DSCAM: variants seen among roughly 807,000 people sequenced by gnomAD.
DSCAM encodes DS cell adhesion molecule, also known as cell adhesion molecule DSCAM.
A neutral mutation model predicts 217.7 loss-of-function variants in DSCAM; 47 were observed. The ratio of observed to expected loss-of-function variants is 0.22; its 90% CI spans 0.17 to 0.28. DSCAM has a LOEUF of 0.28. Ranked by LOEUF, DSCAM falls within the 10% of genes least tolerant of loss-of-function variation. DSCAM has a pLI of 1.00. For synonymous variants in DSCAM, 1,056 were observed against 1,015.3 expected (o/e 1.04, Z -0.76); for missense variants, 2,080 against 2,618.3 (o/e 0.79, Z 4.49).
intron 3 of DSCAM, among the ~76,000 whole-genome samples, chr21:40,456,100 AAAAG>A (rs1223688047): frequency 3.3e-5 from 5 of 151,910 alleles, no homozygotes; most frequent in African/African-American, 1.2e-4. Flanking sequence ...ATAATAAAAG[AAAAG>A]AAAAAGAAAA....
At chr21:40,161,189 C>A (rs548973808) in intron 16 of DSCAM, among the ~76,000 whole-genome samples, 1 of 152,170 alleles carries the variant, frequency 6.6e-6, no homozygotes, top group East Asian at 1.9e-4. Context: ...TTTGTGCATG[C>A]AGGCTGGCAG....
chr21:40,680,257 T>C (rs2090385177), intron 3 of DSCAM, among the ~76,000 whole-genome samples: 1 of 152,202 alleles, frequency 6.6e-6, no homozygotes, highest in African/African-American at 2.4e-5. Context: ...CTCCACACTA[T>C]CTACAGGCTC....
At chr21:40,060,647 C>T (rs960381382) in intron 28 of DSCAM, among the ~76,000 whole-genome samples, 1 of 152,194 alleles carries the variant, frequency 6.6e-6, no homozygotes, top group Non-Finnish European at 1.5e-5. Flanking sequence ...CCTCCAGGCA[C>T]CATTATCACC....
intron 1 of DSCAM, among the ~76,000 whole-genome samples, chr21:40,843,620 G>A (rs776792556): frequency 6.6e-5 from 10 of 152,096 alleles, no homozygotes; most frequent in Non-Finnish European, 1.5e-4. Flanking sequence ...GTGTGGGTGA[G>A]TGTCTGCACA....
intron 3 of DSCAM, among the ~76,000 whole-genome samples, chr21:40,658,368 A>G (rs188128686): frequency 1.3e-5 from 2 of 152,320 alleles, no homozygotes; most frequent in Admixed American, 6.5e-5. Context: ...CCTCTGGACA[A>G]ATGTGCCTCT....
intron 4 of DSCAM, among the ~76,000 whole-genome samples, chr21:40,358,271 G>T (rs1402470794): frequency 6.6e-6 from 1 of 152,102 alleles, no homozygotes; most frequent in African/African-American, 2.4e-5. Flanking sequence ...TAATTCTAAT[G>T]ACATTTTTAA....
At chr21:40,466,153 T>C (rs1290347780) in intron 3 of DSCAM, among the ~76,000 whole-genome samples, 1 of 152,206 alleles carries the variant, frequency 6.6e-6, no homozygotes, top group Non-Finnish European at 1.5e-5. Context: ...ACTAAGGAGT[T>C]GCTGGAGATC....
chr21:40,830,856 T>C (rs1354360502), intron 1 of DSCAM, among the ~76,000 whole-genome samples: 1 of 152,196 alleles, frequency 6.6e-6, no homozygotes, highest in East Asian at 1.9e-4. Context: ...AGTATTACCA[T>C]AGTATGAAAT....
chr21:40,613,368 A>G (rs1007206727), intron 3 of DSCAM, among the ~76,000 whole-genome samples: 2 of 152,274 alleles, frequency 1.3e-5, no homozygotes, highest in African/African-American at 4.8e-5. Flanking sequence ...TGGAAAATAC[A>G]TATGGAATGC....
chr21:40,525,635 G>A (rs78524805), intron 3 of DSCAM, among the ~76,000 whole-genome samples: 180 of 152,304 alleles, frequency 1.2e-3, no homozygotes, highest in Non-Finnish European at 2.2e-3. Flanking sequence ...TCTGTGCAAG[G>A]AGGAAATAGC....
chr21:40,846,714 C>G lies in DSCAM; in HGVS notation c.-53G>C, dbSNP rs1430649046. The stretch of plus-strand genomic sequence containing the variant: ...AGCGACGCGCCGGCCTCGCCCCCCG[C>G]GCTCCGCCCGGCCCGGCTCCGCTCG... On this transcript the variant is annotated 5_prime_UTR_variant, in exon 1 of 33. Coordinates refer to ENST00000400454, the MANE Select transcript of DSCAM (RefSeq NM_001389.5). The G allele has an allele frequency of 2.1e-6, 2 of 944,942 alleles. No homozygotes were observed. The highest frequency in any genetic ancestry group is 3.6e-5 in the African/African-American group (2 of 56,136). The allele number at this position is 944,942 out of a possible 1,614,324, so 58.5% of individuals were successfully genotyped here.
At chr21:40,039,016 G>T (rs1476933366) in intron 32 of DSCAM, among the ~76,000 whole-genome samples, 2 of 123,108 alleles carry the variant, frequency 1.6e-5, no homozygotes, top group African/African-American at 3.0e-5. Flanking sequence ...GGGGACTGTA[G>T]TGGGGTGGGG....
chr21:40,237,294 C>T (rs999307625), intron 11 of DSCAM, among the ~76,000 whole-genome samples: 2 of 152,056 alleles, frequency 1.3e-5, no homozygotes, highest in Non-Finnish European at 2.9e-5. Flanking sequence ...ATATACATGC[C>T]ATGGTGGTTT....
intron 1 of DSCAM, among the ~76,000 whole-genome samples, chr21:40,724,168 C>A (rs1053886099): frequency 6.6e-5 from 10 of 152,184 alleles, no homozygotes; most frequent in African/African-American, 2.4e-4. Context: ...TGGTTTACTA[C>A]GTTCCGGCAT....
intron 3 of DSCAM, among the ~76,000 whole-genome samples, chr21:40,487,116 C>A (rs963744076): frequency 1.3e-5 from 2 of 152,016 alleles, no homozygotes; most frequent in South Asian, 4.2e-4. Flanking sequence ...AGGTTTGATC[C>A]TTTAAATTTA....
intron 14 of DSCAM, among the ~76,000 whole-genome samples, chr21:40,180,602 A>C (rs1205588181): frequency 1.3e-5 from 2 of 152,040 alleles, no homozygotes; most frequent in African/African-American, 4.8e-5. Context: ...AGAGATGTTT[A>C]GGAGGATGAG....
At chr21:40,149,524 C>A (rs2090398914) in intron 16 of DSCAM, among the ~76,000 whole-genome samples, 1 of 149,124 alleles carries the variant, frequency 6.7e-6, no homozygotes, top group African/African-American at 2.5e-5. Flanking sequence ...CCATCACTAT[C>A]CCAACACCAA....
intron 3 of DSCAM, among the ~76,000 whole-genome samples, chr21:40,445,764 A>C (rs1180549952): frequency 6.6e-6 from 1 of 152,210 alleles, no homozygotes; most frequent in African/African-American, 2.4e-5. Flanking sequence ...CCTTCACTAC[A>C]TAGTAACTAT....
rs537374150 is a variant in DSCAM at position 40,370,078 on chromosome 21, T to C, written c.509-833A>G. Among the ~76,000 whole-genome samples, 3 of 152,310 alleles carry C rather than the reference T, an allele frequency of 2.0e-5. No individual in the cohort carries two copies. The East Asian group carries it at 5.8e-4, about 29-fold the overall frequency. ...CATTGAGATCAAATATCAGTGTTAG[T>C]TTAAGAGGGCAAAAATGTTTTTTTC... On this transcript the variant is annotated intron_variant, in intron 3 of 32. Transcript: ENST00000400454.
Sources: allele counts gnomAD v4.1 joint callset (sites outside exome capture counted in the v4.1 genomes callset), GRCh38; gene constraint gnomAD v4.1.1; transcripts MANE v1.5; gene names NCBI Gene and HGNC (gene_info 2026-07-23, HGNC 2026-07-21).